DIAPH2: variants seen among roughly 807,000 people sequenced by gnomAD.
DIAPH2 encodes the protein diaphanous related formin 2, also known as protein diaphanous homolog 2.
Under a neutral mutation model 92.7 loss-of-function variants are expected in DIAPH2, and 35 were observed. That is an observed-to-expected ratio of 0.38 (90% confidence interval 0.29 to 0.50). The LOEUF (loss-of-function observed/expected upper bound fraction) is 0.50. Ranked by LOEUF, DIAPH2 falls within the 20% of genes least tolerant of loss-of-function variation. The pLI is 0.94. For missense variants in DIAPH2, 701 were observed against 819.5 expected, an observed-to-expected ratio of 0.86 and a Z score of 1.77; for synonymous variants, 301 against 280.4, an observed-to-expected ratio of 1.07 and a Z score of -0.73.
rs999569603 is a variant in DIAPH2, at chrX:96,964,848, A to G, written c.1936-245A>G. Reference sequence around the variant, plus strand: ...CTAAGTTATTTTTAAGACTCCTTCCAGTAGAATAGTTTTTAAGGTGCAATT... The same window carrying G: ...CTAAGTTATTTTTAAGACTCCTTCCGGTAGAATAGTTTTTAAGGTGCAATT... On this transcript the variant is annotated intron_variant, in intron 16 of 26. Coordinates refer to ENST00000324765, the MANE Select transcript of DIAPH2 (RefSeq NM_006729.5). Among the ~76,000 whole-genome samples the G allele has an allele frequency of 9.9e-5, 11 of 111,304 alleles. 1 individual carries two copies. The highest frequency in any genetic ancestry group is 3.6e-4 in the African/African-American group (11 of 30,676).
chrX:97,298,360 T>G (rs1412772069), intron 23 of DIAPH2, among the ~76,000 whole-genome samples: 1 of 107,575 alleles, frequency 9.3e-6, no homozygotes, highest in African/African-American at 3.4e-5. Flanking sequence ...TTCTAATTTT[T>G]TCAATATGGA....
chrX:96,717,842 A>G lies in DIAPH2; in HGVS notation c.133-17916A>G, dbSNP rs866289730. ...TATATATATATATATATATATATATATATATATATATATATATTCACATGA... is the reference window on the plus strand; with the variant it reads ...TATATATATATATATATATATATATGTATATATATATATATATTCACATGA... On this transcript the variant is annotated intron_variant, in intron 1 of 26. Coordinates refer to ENST00000324765, the MANE Select transcript of DIAPH2 (RefSeq NM_006729.5). 1.1e-4 allele frequency among the ~76,000 whole-genome samples: 10 copies of G among 87,178 alleles called. No individual in the cohort carries two copies. In the South Asian group the frequency reaches 5.2e-3, roughly 45 times the overall value. 75.7% of individuals were successfully genotyped at this position (87,178 alleles called of 115,157 possible).
intron 4 of DIAPH2, among the ~76,000 whole-genome samples, chrX:96,834,852 G>A (rs1379594335): frequency 9.0e-6 from 1 of 111,501 alleles, no homozygotes; most frequent in Non-Finnish European, 1.9e-5. Flanking sequence ...CCTTTTGATT[G>A]TATTTGCAAA....
intron 26 of DIAPH2, among the ~76,000 whole-genome samples, chrX:97,440,187 G>A (rs923708332): frequency 3.6e-5 from 4 of 111,667 alleles, no homozygotes; most frequent in African/African-American, 9.8e-5. Context: ...GAAATCTATA[G>A]GATTGGAGCA....
At position 97,307,137 on chromosome X, in the gene DIAPH2, T is replaced by C. The variant is rs192855002; in HGVS notation, c.2845-40979T>C. Among the ~76,000 whole-genome samples the C allele has an allele frequency of 2.1e-3, 239 of 111,938 alleles. 2 individuals carry two copies. In the Middle Eastern group the frequency reaches 0.028, roughly 13 times the overall value. On this transcript the variant is annotated intron_variant, in intron 23 of 26. Coordinates refer to ENST00000324765, the MANE Select transcript of DIAPH2 (RefSeq NM_006729.5). Reference sequence around the variant, plus strand: ...CCCACTGAAAGGCTGCTTGCTGACTTGAATAAAAAGCCACTGTTGAATCAC... The same window carrying C: ...CCCACTGAAAGGCTGCTTGCTGACTCGAATAAAAAGCCACTGTTGAATCAC...
At chrX:97,555,733 TAAG>T (rs1344041967) in intron 26 of DIAPH2, among the ~76,000 whole-genome samples, 2 of 112,027 alleles carry the variant, frequency 1.8e-5, no homozygotes, top group Non-Finnish European at 3.8e-5. Context: ...TTGTAAATAA[TAAG>T]GTTATAGATG....
intron 24 of DIAPH2, among the ~76,000 whole-genome samples, chrX:97,354,370 G>A (rs904477428): frequency 5.4e-5 from 6 of 111,400 alleles, no homozygotes; most frequent in Non-Finnish European, 1.1e-4. Context: ...GTGGCCTCAG[G>A]ATAAATCTGA....
intron 26 of DIAPH2, among the ~76,000 whole-genome samples, chrX:97,538,570 T>A (rs2147855160): frequency 8.9e-6 from 1 of 111,750 alleles, no homozygotes; most frequent in South Asian, 3.7e-4. Context: ...TTTCTGTTAA[T>A]CCTTTTTAGG....
chrX:96,723,350 A>G (rs1396790725), intron 1 of DIAPH2, among the ~76,000 whole-genome samples: 1 of 111,876 alleles, frequency 8.9e-6, no homozygotes, highest in East Asian at 2.8e-4. Context: ...TTGATCTGTA[A>G]TCATGTCTTC....
At chrX:97,443,454 T>C (rs1003179415) in intron 26 of DIAPH2, among the ~76,000 whole-genome samples, 19 of 112,216 alleles carry the variant, frequency 1.7e-4, no homozygotes, top group African/African-American at 5.8e-4. Flanking sequence ...GCATATGCTT[T>C]TGATACCTGC....
In DIAPH2 at chrX:97,476,984, T is replaced by TACAC. The variant is rs1190615516; in HGVS notation, c.3241+47277_3241+47280dup. ...AAAAAAAAAAATATATATATATATATACACACACACACACACACACACACA... is the reference window on the plus strand; with the variant it reads ...AAAAAAAAAAATATATATATATATATACACACACACACACACACACACACACACA... On this transcript the variant is annotated intron_variant, in intron 26 of 26. Transcript: ENST00000324765. 6.7e-3 allele frequency among the ~76,000 whole-genome samples: 385 copies of TACAC among 57,065 alleles called. 9 individuals carry two copies. The highest frequency in any genetic ancestry group is 0.021 in the African/African-American group (242 of 11,663). The allele number at this position is 57,065 out of a possible 115,157, so 49.6% of individuals were successfully genotyped here.
chrX:96,764,658 A>G (rs2064290397), intron 4 of DIAPH2, among the ~76,000 whole-genome samples: 1 of 111,730 alleles, frequency 9.0e-6, no homozygotes, highest in Non-Finnish European at 1.9e-5. Context: ...ATTGTGATTC[A>G]GGTGGCCTGG....
At chrX:97,119,574 A>C (rs2147383908) in intron 21 of DIAPH2, among the ~76,000 whole-genome samples, 1 of 111,869 alleles carries the variant, frequency 8.9e-6, no homozygotes, top group South Asian at 3.8e-4. Context: ...CAGCTGTGGT[A>C]GTATGGAGAG....
chrX:97,383,812 A>G, intron 24 of DIAPH2, 97 bp from the exon 25 acceptor site: 1 of 757,523 alleles, frequency 1.3e-6, no homozygotes, highest in South Asian at 4.5e-5. Context: ...CTTTGTTTAT[A>G]TGTATAGGAA....
chrX:97,312,049 C>T (rs771674047), intron 23 of DIAPH2, among the ~76,000 whole-genome samples: 269 of 110,253 alleles, frequency 2.4e-3, no homozygotes, highest in Non-Finnish European at 4.1e-3. Flanking sequence ...AGGATGGTCT[C>T]GATCTCCTAA....
intron 17 of DIAPH2, among the ~76,000 whole-genome samples, chrX:96,986,681 C>T (rs960426386): frequency 3.6e-5 from 4 of 111,344 alleles, no homozygotes; most frequent in Non-Finnish European, 7.6e-5. Flanking sequence ...GTTAATAATG[C>T]CTTGACTCTT....
intron 23 of DIAPH2, among the ~76,000 whole-genome samples, chrX:97,333,250 C>T (rs891810601): frequency 3.6e-5 from 4 of 111,730 alleles, no homozygotes; most frequent in Non-Finnish European, 7.5e-5. Context: ...CTGCTTTGTA[C>T]TTCTTACTGC....
chrX:97,160,779 T>C (rs187346511), intron 22 of DIAPH2, among the ~76,000 whole-genome samples: 197 of 111,875 alleles, frequency 1.8e-3, no homozygotes, highest in African/African-American at 6.3e-3. Context: ...GTTAATAATT[T>C]ATAATTTTGA....
chrX:97,178,688 C>T (rs921922279), intron 22 of DIAPH2, among the ~76,000 whole-genome samples: 4 of 110,032 alleles, frequency 3.6e-5, no homozygotes, highest in African/African-American at 6.6e-5. Flanking sequence ...TATTTCTTTC[C>T]GTGCTTATTT....
Sources: allele counts gnomAD v4.1 joint callset (sites outside exome capture counted in the v4.1 genomes callset), GRCh38; gene constraint gnomAD v4.1.1; transcripts MANE v1.5; gene names NCBI Gene and HGNC (gene_info 2026-07-23, HGNC 2026-07-21).